SUGP1: variants seen among roughly 807,000 people sequenced by gnomAD.
SUGP1 encodes the protein SURP and G-patch domain-containing protein 1.
Under a neutral mutation model 76.5 loss-of-function variants are expected in SUGP1, and 34 were observed. That is an observed-to-expected ratio of 0.44 (90% CI 0.34 to 0.59). The LOEUF (loss-of-function observed/expected upper bound fraction) is 0.59, where lower values mean the gene tolerates loss of function less well. SUGP1 is among the 20% of genes least tolerant of loss of function. The probability of loss-of-function intolerance (pLI) is 0.01; values close to 1 mark genes in which losing one functional copy is unlikely to be tolerated. For missense variants in SUGP1, 752 were observed against 851.7 expected, an observed-to-expected ratio of 0.88 and a Z score of 1.46; for synonymous variants, 326 against 326.2, an observed-to-expected ratio of 1.00 and a Z score of 0.01.
At chr19:19,295,317 G>A (rs74182632) in intron 8 of SUGP1, among the ~76,000 whole-genome samples, 7,588 of 151,996 alleles carry the variant, frequency 0.05, 259 homozygotes, top group East Asian at 0.12. Context: ...TTGAACCTGG[G>A]AGGTGGGCCG....
At chr19:19,280,076 A>C in intron 9 of SUGP1, 109 bp downstream of exon 9, 4 of 1,099,714 alleles carry the variant, frequency 3.6e-6, no homozygotes, top group Non-Finnish European at 5.3e-6. Flanking sequence ...ACCTGAACAC[A>C]GGAGCTTGGC....
At chr19:19,296,909 T>C (rs10401969) in intron 8 of SUGP1, 80 bp downstream of exon 8, 97,318 of 1,198,724 alleles carry the variant, frequency 0.081, 4,332 homozygotes, top group African/African-American at 0.17. Flanking sequence ...AGCTACACTG[T>C]GGATGAACCT....
intron 8 of SUGP1, among the ~76,000 whole-genome samples, chr19:19,285,648 C>T (rs2061133758): frequency 6.6e-6 from 1 of 152,126 alleles, no homozygotes; most frequent in African/African-American, 2.4e-5. Flanking sequence ...TCACTGCAGC[C>T]TCAATCTCCC....
intron 1 of SUGP1, among the ~76,000 whole-genome samples, chr19:19,318,631 T>C (rs759545505): frequency 6.6e-6 from 1 of 152,158 alleles, no homozygotes; most frequent in Non-Finnish European, 1.5e-5. Flanking sequence ...GTTCTTGCTA[T>C]GTTCCCCAGG....
At chr19:19,320,036 C>T (rs2061428814) in intron 1 of SUGP1, among the ~76,000 whole-genome samples, 1 of 152,142 alleles carries the variant, frequency 6.6e-6, no homozygotes. Flanking sequence ...GGTCAAAAGA[C>T]GCGGGAAAGT....
chr19:19,285,326 C>T (rs62135550), intron 8 of SUGP1, among the ~76,000 whole-genome samples: 1,794 of 152,108 alleles, frequency 0.012, 12 homozygotes, highest in Non-Finnish European at 0.019. Flanking sequence ...CCACTACACA[C>T]AGCTAATTTT....
rs1407291543 is a variant in SUGP1 at position 19,276,991 on chromosome 19, G to A, written c.1867C>T (p.Arg623Cys). The A allele has an allele frequency of 6.2e-6, 10 of 1,612,978 alleles. No homozygotes were observed. Among genetic ancestry groups the A allele is most frequent in the Admixed American group, 1.7e-5 (1 of 60,002 alleles). ...SKEDDEYEAF[R>C]KRMMLAYRFR... is the part of the protein sequence containing the mutation. Reference sequence around the variant, plus strand: ...CGGTAGGCCAGCATCATCCTCTTGCGGAACGCCTCATACTCGTCGTCCTCC... The same window carrying A: ...CGGTAGGCCAGCATCATCCTCTTGCAGAACGCCTCATACTCGTCGTCCTCC... The change falls in exon 13 of 14, where the codon CGC (arginine) becomes TGC (cysteine). Residue 623 changes from arginine (R) to cysteine (C), a missense_variant. Physicochemically the swap from Arg to Cys is radical, Grantham distance 180. Coordinates refer to ENST00000247001, the MANE Select transcript of SUGP1 (RefSeq NM_172231.4).
chr19:19,295,154 G>C (rs1239520492), intron 8 of SUGP1, among the ~76,000 whole-genome samples: 1 of 151,916 alleles, frequency 6.6e-6, no homozygotes, highest in Admixed American at 6.6e-5. Context: ...GCAAGGCTGG[G>C]CCTGGTGGCT....
chr19:19,312,270 CCAA>C (rs201153329), intron 2 of SUGP1, among the ~76,000 whole-genome samples: 1 of 144,298 alleles, frequency 6.9e-6, no homozygotes, highest in Admixed American at 7.2e-5. Flanking sequence ...ATGGAAAAAC[CCAA>C]CAATGTCTCC....
intron 8 of SUGP1, among the ~76,000 whole-genome samples, chr19:19,295,145 C>A (rs2061215324): frequency 1.3e-5 from 2 of 151,476 alleles, no homozygotes; most frequent in Non-Finnish European, 2.9e-5. Context: ...AATAACTGGG[C>A]AAGGCTGGGC....
intron 1 of SUGP1, among the ~76,000 whole-genome samples, chr19:19,319,201 G>A (rs973585464): frequency 1.3e-4 from 20 of 152,184 alleles, no homozygotes; most frequent in Admixed American, 4.6e-4. Flanking sequence ...CAGCCTGGGC[G>A]ACAGAGCGAA....
At chr19:19,302,733 G>C (rs868727217) in intron 6 of SUGP1, among the ~76,000 whole-genome samples, 1 of 152,096 alleles carries the variant, frequency 6.6e-6, no homozygotes, top group Non-Finnish European at 1.5e-5. Context: ...CTCCTCTCCT[G>C]GGGAGAGGCT....
At chr19:19,292,972 T>C (rs2061197415) in intron 8 of SUGP1, among the ~76,000 whole-genome samples, 1 of 152,030 alleles carries the variant, frequency 6.6e-6, no homozygotes, top group Non-Finnish European at 1.5e-5. Context: ...AGTTGCTCAA[T>C]CTCGGCTCAC....
At chr19:19,279,181 C>T in intron 10 of SUGP1, 32 bp downstream of exon 10, 3 of 1,425,978 alleles carry the variant, frequency 2.1e-6, no homozygotes, top group East Asian at 2.4e-5. Context: ...CCATGCCCAG[C>T]CCAGCCCGGC....
At chr19:19,310,004 G>A (rs1249610734) in intron 3 of SUGP1, 93 bp downstream of exon 3, 2 of 867,486 alleles carry the variant, frequency 2.3e-6, no homozygotes. Context: ...CGGTGAGCAG[G>A]AGTCTGAGGT....
chr19:19,294,837 GA>G (rs1346029790), intron 8 of SUGP1, among the ~76,000 whole-genome samples: 1 of 150,352 alleles, frequency 6.7e-6, no homozygotes, highest in Non-Finnish European at 1.5e-5. Flanking sequence ...ATTAAAAAAA[GA>G]AAGAAAATTT....
intron 7 of SUGP1, among the ~76,000 whole-genome samples, chr19:19,297,942 C>T (rs117486266): frequency 1.4e-3 from 213 of 152,288 alleles, no homozygotes; most frequent in Non-Finnish European, 2.1e-3. Context: ...AGCCATGTTC[C>T]GCACCTACTG....
intron 8 of SUGP1, among the ~76,000 whole-genome samples, chr19:19,281,881 G>A (rs1599845531): frequency 6.6e-6 from 1 of 152,338 alleles, no homozygotes; most frequent in Admixed American, 6.5e-5. Context: ...CAGGCCATAG[G>A]CTGGCCCTCC....
At chr19:19,303,475 G>C in intron 5 of SUGP1, 27 bp from the exon 6 acceptor site, 1 of 1,591,256 alleles carries the variant, frequency 6.3e-7, no homozygotes, top group Non-Finnish European at 8.6e-7. Flanking sequence ...TTGCAGAAGA[G>C]AGGGGAAAAT....
Sources: gnomAD v4.1 joint callset for allele counts (sites outside exome capture counted in the v4.1 genomes callset) on GRCh38, gnomAD v4.1.1 for gene constraint, MANE v1.5 for transcripts, NCBI Gene and HGNC (gene_info 2026-07-23, HGNC 2026-07-21) for gene names.